Variants in MGMT observed in about 807,000 individuals in gnomAD.
MGMT encodes methylated-DNA--protein-cysteine methyltransferase.
MGMT carries 14 observed loss-of-function variants against 15.9 expected under a neutral mutation model. The ratio of observed to expected loss-of-function variants is 0.88; its 90% confidence interval spans 0.58 to 1.37. MGMT has a LOEUF of 1.37. Among genes scored for constraint, MGMT ranks in the 40% most tolerant of loss-of-function variants. MGMT has a pLI of 0.00. For synonymous variants in MGMT, 130 were observed against 118.2 expected (o/e 1.10, Z -0.65); for missense variants, 282 against 268.1 (o/e 1.05, Z -0.36).
chr10:129,715,154 A>G (rs1287747988), intron 3 of MGMT, among the ~76,000 whole-genome samples: 1 of 152,208 alleles, frequency 6.6e-6, no homozygotes, highest in Non-Finnish European at 1.5e-5. Context: ...CAGGACTTGT[A>G]ATATGTAAAA....
At chr10:129,579,675 C>T (rs1158780703) in intron 2 of MGMT, among the ~76,000 whole-genome samples, 4 of 152,218 alleles carry the variant, frequency 2.6e-5, no homozygotes, top group African/African-American at 9.6e-5. Context: ...GTTTCTTCTT[C>T]TGGAGCCTTA....
rs528494674 is a variant in MGMT at position 129,770,928 on chromosome 10, T to TTTTC, written c.*3944_*3947dup. 8.6e-5 allele frequency among the ~76,000 whole-genome samples: 13 copies of TTTTC among 150,540 alleles called. No individual in the cohort carries two copies. In the East Asian group the frequency reaches 1.7e-3, roughly 20 times the overall value. ...CAGACCTCAGACCGTGTGGGTTTTT[T>TTTTC]TTTCTTTCTTTCTTTCCTGTTCATG... is the stretch of plus-strand genomic sequence containing the variant. On this transcript the variant is annotated 3_prime_UTR_variant, in exon 5 of 5. Transcript: ENST00000651593.
At chr10:129,628,017 A>C (rs1157506364) in intron 2 of MGMT, among the ~76,000 whole-genome samples, 1 of 152,196 alleles carries the variant, frequency 6.6e-6, no homozygotes, top group African/African-American at 2.4e-5. Context: ...CTGGTGTTTA[A>C]AACTCTAGCT....
intron 2 of MGMT, among the ~76,000 whole-genome samples, chr10:129,544,907 G>C (rs892354278): frequency 6.6e-6 from 1 of 152,294 alleles, no homozygotes; most frequent in East Asian, 1.9e-4. Context: ...TTTCCTCCTG[G>C]AGTCTCTGTT....
intron 2 of MGMT, among the ~76,000 whole-genome samples, chr10:129,682,830 A>C (rs1847867453): frequency 6.6e-6 from 1 of 152,170 alleles, no homozygotes; most frequent in Admixed American, 6.6e-5. Flanking sequence ...GTTTAAAAAA[A>C]TTTGTGCCTT....
At chr10:129,638,032 G>C (rs540216653) in intron 2 of MGMT, among the ~76,000 whole-genome samples, 1 of 152,324 alleles carries the variant, frequency 6.6e-6, no homozygotes, top group South Asian at 2.1e-4. Context: ...CTGGTCTCAG[G>C]CTGAAATTCT....
chr10:129,632,585 G>A (rs959141386), intron 2 of MGMT, among the ~76,000 whole-genome samples: 7 of 152,202 alleles, frequency 4.6e-5, no homozygotes, highest in Admixed American at 2.0e-4. Flanking sequence ...TAAATGCTGC[G>A]TACGTGTCAG....
intron 1 of MGMT, among the ~76,000 whole-genome samples, chr10:129,504,008 G>A (rs183738370): frequency 1.3e-5 from 2 of 152,062 alleles, no homozygotes; most frequent in African/African-American, 4.8e-5. Flanking sequence ...ATCAGATCAG[G>A]GTTCCATGTC....
In MGMT at chr10:129,770,809, T is replaced by C. The variant is rs1848991624; in HGVS notation, c.*3812T>C. Among the ~76,000 whole-genome samples, 1 of 152,214 alleles carries C rather than the reference T, an allele frequency of 6.6e-6. No individual in the cohort carries two copies. Among genetic ancestry groups the C allele is most frequent in the South Asian group, 2.1e-4 (1 of 4,832 alleles). ...TGGGATGTCCTCGGGCCTCCCCTGT[T>C]TGTCTGCATGTCTTCTTGTTGCCAT... On this transcript the variant is annotated 3_prime_UTR_variant, in exon 5 of 5. Transcript: ENST00000651593.
chr10:129,743,732 C>T (rs2133174038), intron 3 of MGMT, among the ~76,000 whole-genome samples: 1 of 152,344 alleles, frequency 6.6e-6, no homozygotes, highest in Non-Finnish European at 1.5e-5. Context: ...AAACAAATGC[C>T]ATTGTTTTCA....
intron 3 of MGMT, among the ~76,000 whole-genome samples, chr10:129,756,958 G>C (rs146378002): frequency 6.6e-6 from 1 of 152,332 alleles, no homozygotes; most frequent in African/African-American, 2.4e-5. Context: ...TCAAGAACGG[G>C]TGTCATTCAG....
intron 1 of MGMT, among the ~76,000 whole-genome samples, chr10:129,506,715 A>G (rs1253933400): frequency 6.6e-6 from 1 of 151,366 alleles, no homozygotes; most frequent in Non-Finnish European, 1.5e-5. Flanking sequence ...CATTTGTACA[A>G]CTCCATACTT....
At chr10:129,669,026 CT>C (rs1847691240) in intron 2 of MGMT, among the ~76,000 whole-genome samples, 1 of 152,104 alleles carries the variant, frequency 6.6e-6, no homozygotes, top group Non-Finnish European at 1.5e-5. Flanking sequence ...TATATATAAT[CT>C]ATTGTAAGTG....
chr10:129,651,399 CCTT>C (rs779516124), intron 2 of MGMT, among the ~76,000 whole-genome samples: 2 of 151,666 alleles, frequency 1.3e-5, no homozygotes, highest in South Asian at 2.1e-4. Context: ...TCTAGGAAAA[CCTT>C]TTTTTTAAGA....
At chr10:129,725,644 C>T (rs1848425555) in intron 3 of MGMT, among the ~76,000 whole-genome samples, 2 of 152,226 alleles carry the variant, frequency 1.3e-5, no homozygotes, top group African/African-American at 4.8e-5. Flanking sequence ...GGGGTCTGCC[C>T]ACTTCCTCGG....
intron 2 of MGMT, among the ~76,000 whole-genome samples, chr10:129,634,418 A>T (rs1847243369): frequency 6.6e-6 from 1 of 152,138 alleles, no homozygotes; most frequent in South Asian, 2.1e-4. Context: ...CTATTTCTTC[A>T]AATATATTTT....
intron 4 of MGMT, among the ~76,000 whole-genome samples, chr10:129,759,830 G>A (rs1330918297): frequency 6.6e-6 from 1 of 152,134 alleles, no homozygotes; most frequent in Non-Finnish European, 1.5e-5. Flanking sequence ...TCCCCCTGAG[G>A]CCCAGGGCTC....
At chr10:129,624,770 T>C (rs1439401555) in intron 2 of MGMT, among the ~76,000 whole-genome samples, 2 of 152,222 alleles carry the variant, frequency 1.3e-5, no homozygotes, top group African/African-American at 2.4e-5. Context: ...ATGGTCTCAC[T>C]GTGGGAACAT....
chr10:129,562,294 C>G (rs142331010), intron 2 of MGMT, among the ~76,000 whole-genome samples: 1 of 152,190 alleles, frequency 6.6e-6, no homozygotes, highest in Non-Finnish European at 1.5e-5. Flanking sequence ...GGACGCCATT[C>G]GAACCTGGCC....
Sources: allele counts gnomAD v4.1 joint callset (sites outside exome capture counted in the v4.1 genomes callset), GRCh38; gene constraint gnomAD v4.1.1; transcripts MANE v1.5; gene names NCBI Gene and HGNC (gene_info 2026-07-23, HGNC 2026-07-21).